Variants in PAX2 observed in about 807,000 individuals in gnomAD.
PAX2 encodes the protein paired box 2, also known as paired box protein Pax-2.
PAX2 carries 9 observed loss-of-function variants against 41.7 expected under a neutral mutation model. That is an observed-to-expected ratio of 0.22 (90% CI 0.13 to 0.38). The LOEUF (loss-of-function observed/expected upper bound fraction) is 0.38, where lower values mean the gene tolerates loss of function less well. Ranked by LOEUF, PAX2 falls within the 10% of genes least tolerant of loss-of-function variation. The pLI is 1.00. For synonymous variants in PAX2, 221 were observed against 212.7 expected, an observed-to-expected ratio of 1.04 and a Z score of -0.34; for missense variants, 418 against 531.6, an observed-to-expected ratio of 0.79 and a Z score of 2.10.
At chr10:100,738,684 C>G (rs528128833) in intron 1 of PAX2, among the ~76,000 whole-genome samples, 1 of 152,360 alleles carries the variant, frequency 6.6e-6, no homozygotes, top group East Asian at 1.9e-4. Flanking sequence ...GCGGAGCGAA[C>G]TCCTGGAACC....
chr10:100,819,856 T>C (rs1848322801), intron 7 of PAX2, among the ~76,000 whole-genome samples: 2 of 152,234 alleles, frequency 1.3e-5, no homozygotes, highest in South Asian at 4.1e-4. Context: ...TGCACTTAGA[T>C]TCTCCAAAGC....
intron 5 of PAX2, among the ~76,000 whole-genome samples, chr10:100,803,874 G>T (rs1172317412): frequency 6.6e-6 from 1 of 151,844 alleles, no homozygotes; most frequent in Non-Finnish European, 1.5e-5. Context: ...TACCACCAGG[G>T]CCTGAGTATA....
intron 5 of PAX2, among the ~76,000 whole-genome samples, chr10:100,799,789 C>CTTTTTTTTTTTTTTTT (rs56012188): frequency 1.1e-5 from 1 of 89,896 alleles, no homozygotes; most frequent in Non-Finnish European, 2.2e-5. Context: ...TAGTGTAATT[C>CTTTTTTTTTTTTTTTT]TTTTTTTTTT....
chr10:100,783,607 G>A (rs1165981286), intron 5 of PAX2, among the ~76,000 whole-genome samples: 2 of 152,018 alleles, frequency 1.3e-5, no homozygotes, highest in African/African-American at 4.8e-5. Context: ...TGAGGAGACA[G>A]GTTAGGGCCA....
chr10:100,808,976 A>G (rs1301147499), intron 6 of PAX2, 134 bp from the exon 7 acceptor site: 1 of 832,404 alleles, frequency 1.2e-6, no homozygotes, highest in Non-Finnish European at 2.0e-6. Flanking sequence ...AAGCCCCCGC[A>G]TCTCCCCTCT....
chr10:100,752,658 C>T (rs898280269), intron 3 of PAX2, among the ~76,000 whole-genome samples: 2 of 152,082 alleles, frequency 1.3e-5, no homozygotes, highest in Non-Finnish European at 2.9e-5. Context: ...AATTTTCAAG[C>T]CTTTGGAGAA....
At chr10:100,749,296 C>G in intron 1 of PAX2, 1 of 1,000,376 alleles carries the variant, frequency 1.0e-6, no homozygotes, top group Non-Finnish European at 1.2e-6. Flanking sequence ...CCAAATCGTC[C>G]GCCTCCAAGC....
At chr10:100,753,159 C>T (rs960817944) in intron 3 of PAX2, among the ~76,000 whole-genome samples, 2 of 152,186 alleles carry the variant, frequency 1.3e-5, no homozygotes, top group African/African-American at 4.8e-5. Context: ...CACGGGCAGC[C>T]TACCCTGGGT....
chr10:100,776,409 G>A (rs1456960976), intron 3 of PAX2, among the ~76,000 whole-genome samples: 1 of 152,182 alleles, frequency 6.6e-6, no homozygotes, highest in African/African-American at 2.4e-5. Context: ...GGCACTGCAG[G>A]TTGTGTTTTT....
At chr10:100,771,117 C>T (rs1846196144) in intron 3 of PAX2, among the ~76,000 whole-genome samples, 1 of 152,160 alleles carries the variant, frequency 6.6e-6, no homozygotes, top group Non-Finnish European at 1.5e-5. Context: ...TTTGAGGAAA[C>T]CCTTCTGCCA....
intron 3 of PAX2, among the ~76,000 whole-genome samples, chr10:100,779,105 AC>A (rs991124300): frequency 3.3e-5 from 5 of 152,186 alleles, no homozygotes; most frequent in Non-Finnish European, 5.9e-5. Context: ...AGGTCCTGGT[AC>A]CAGGAAGAGA....
At chr10:100,777,022 G>A (rs889586569) in intron 3 of PAX2, among the ~76,000 whole-genome samples, 1 of 152,050 alleles carries the variant, frequency 6.6e-6, no homozygotes, top group East Asian at 1.9e-4. Flanking sequence ...CTACATGTTG[G>A]GGGCAGGATG....
chr10:100,816,428 A>G (rs993399320), intron 7 of PAX2, among the ~76,000 whole-genome samples: 7 of 152,234 alleles, frequency 4.6e-5, no homozygotes, highest in East Asian at 1.9e-4. Context: ...TAAGAAGAAA[A>G]TGTTGGCTAA....
Position 100,750,160 on chromosome 10 carries a change from G to A in PAX2, c.212+246G>A, listed in dbSNP as rs531333102. Among the ~76,000 whole-genome samples, 311 of 152,234 alleles carry A rather than the reference G, an allele frequency of 2.0e-3. 5 individuals carry two copies. Among genetic ancestry groups the A allele is most frequent in the Non-Finnish European group, 2.5e-4 (17 of 68,028 alleles). On this transcript the variant is annotated intron_variant, in intron 2 of 9. Coordinates refer to ENST00000355243, the MANE Select transcript of PAX2 (RefSeq NM_000278.5). The surrounding 1 kb of genome is among the most constrained non-coding windows in gnomAD (Gnocchi z 4.1). ...CTGGTCCCTGGTGAGAAGGCAGCCC[G>A]TTTCTGGCTTCAGAAAGGGAAGGAT...
chr10:100,802,385 G>C (rs1007098494), intron 5 of PAX2, among the ~76,000 whole-genome samples: 1 of 152,198 alleles, frequency 6.6e-6, no homozygotes, highest in Admixed American at 6.5e-5. Flanking sequence ...CTGCTCACCA[G>C]GAACACAGTG....
At chr10:100,747,478 G>A (rs1845232877) in intron 1 of PAX2, 2 of 307,222 alleles carry the variant, frequency 6.5e-6, no homozygotes, top group South Asian at 1.3e-4. Context: ...TTTTTTTGCA[G>A]GCTTTTTTTT....
chr10:100,755,959 G>A (rs909681059), intron 3 of PAX2, among the ~76,000 whole-genome samples: 13 of 152,152 alleles, frequency 8.5e-5, no homozygotes, highest in Non-Finnish European at 1.6e-4. Flanking sequence ...TAGATGGGGA[G>A]TATTGTGCAA....
At chr10:100,783,022 G>A (rs1432264712) in intron 5 of PAX2, among the ~76,000 whole-genome samples, 1 of 152,240 alleles carries the variant, frequency 6.6e-6, no homozygotes, top group Non-Finnish European at 1.5e-5. Flanking sequence ...GGCCAAGTAT[G>A]CCAACCTCGT....
Position 100,827,021 on chromosome 10 carries a change from C to T in PAX2, c.1034C>T (p.Ser345Phe). Residue 345 changes from serine to phenylalanine, a missense_variant, in exon 9 of 10, where the codon TCC becomes TTC. By Grantham distance (155) the Ser-to-Phe change is radical. Transcript: ENST00000355243. The surrounding 1 kb of genome is among the most constrained non-coding windows in gnomAD (Gnocchi z 8.5). The stretch of plus-strand genomic sequence containing the variant: ...GACCCTCCCGCAGGGAGCGAGTTCT[C>T]CGGCAACCCGTACAGCCACCCCCAG... ...LAGMVPGSEF[S>F]GNPYSHPQYT... 6.2e-7 allele frequency: 1 copy of T among 1,613,446 alleles called. No individual in the cohort carries two copies.
Sources: gnomAD v4.1 joint callset for allele counts (sites outside exome capture counted in the v4.1 genomes callset) on GRCh38, gnomAD v4.1.1 for gene constraint, Gnocchi (gnomAD v3.1) non-coding constraint, MANE v1.5 for transcripts, NCBI Gene and HGNC (gene_info 2026-07-23, HGNC 2026-07-21) for gene names.